The following KLF12 variants were observed in gnomAD, a reference collection of about 807,000 sequenced individuals.
KLF12 encodes the protein Krueppel-like factor 12.
In KLF12, 9 loss-of-function variants were observed where a neutral mutation model predicts 37.8. The ratio of observed to expected loss-of-function variants is 0.24; its 90% CI spans 0.14 to 0.42. The LOEUF (loss-of-function observed/expected upper bound fraction) is 0.42, where lower values mean the gene tolerates loss of function less well. Ranked by LOEUF, KLF12 falls within the 10% of genes least tolerant of loss-of-function variation. The pLI is 1.00. For missense variants in KLF12, 411 were observed against 516.0 expected, an observed-to-expected ratio of 0.80 and a Z score of 1.97; for synonymous variants, 208 against 202.1, an observed-to-expected ratio of 1.03 and a Z score of -0.25.
intron 7 of KLF12, among the ~76,000 whole-genome samples, chr13:73,705,812 T>C (rs1180481295): frequency 2.0e-5 from 3 of 152,132 alleles, no homozygotes; most frequent in Admixed American, 1.3e-4. Flanking sequence ...ATGGATAAAA[T>C]GAAGCCAGAA....
the KLF12 span, among the ~76,000 whole-genome samples, chr13:74,184,117 C>G: frequency 8.5e-5 from 13 of 152,154 alleles, no homozygotes; most frequent in Non-Finnish European, 2.9e-5. Flanking sequence ...TCAGAATCTA[C>G]AGTTCACATG....
chr13:73,796,949 T>C (rs890322983), intron 5 of KLF12, among the ~76,000 whole-genome samples: 6 of 152,116 alleles, frequency 3.9e-5, no homozygotes, highest in Admixed American at 2.0e-4. Context: ...CACGATTCCA[T>C]ACATGAAGAT....
At chr13:73,936,723 G>C (rs1277887293) in intron 3 of KLF12, among the ~76,000 whole-genome samples, 1 of 152,096 alleles carries the variant, frequency 6.6e-6, no homozygotes, top group African/African-American at 2.4e-5. Context: ...AGTAAGCTGA[G>C]GCCACTGTAG....
the KLF12 span, among the ~76,000 whole-genome samples, chr13:74,245,807 A>T: frequency 1.3e-5 from 2 of 152,222 alleles, no homozygotes; most frequent in African/African-American, 2.4e-5. Flanking sequence ...ACCTCTTGTA[A>T]ATAAGAGGGG....
intron 5 of KLF12, among the ~76,000 whole-genome samples, chr13:73,789,279 T>A (rs1449917291): frequency 6.6e-6 from 1 of 152,212 alleles, no homozygotes; most frequent in Non-Finnish European, 1.5e-5. Flanking sequence ...CTCCATGTTA[T>A]CTGGACTTCA....
intron 5 of KLF12, among the ~76,000 whole-genome samples, chr13:73,770,387 A>G (rs909039733): frequency 2.0e-5 from 3 of 152,206 alleles, no homozygotes; most frequent in Non-Finnish European, 4.4e-5. Flanking sequence ...CAGTGATTAA[A>G]TGACTATTAG....
intron 1 of KLF12, among the ~76,000 whole-genome samples, chr13:74,108,744 T>G (rs551159453): frequency 6.6e-6 from 1 of 152,264 alleles, no homozygotes; most frequent in Non-Finnish European, 1.5e-5. Context: ...AAAAACATAT[T>G]TACTATTGAT....
chr13:73,964,498 G>C (rs905833368), intron 2 of KLF12, among the ~76,000 whole-genome samples: 2 of 152,036 alleles, frequency 1.3e-5, no homozygotes, highest in Non-Finnish European at 2.9e-5. Flanking sequence ...AGCCGAGCAC[G>C]GTGGCTCATG....
intron 4 of KLF12, among the ~76,000 whole-genome samples, chr13:73,834,342 C>A (rs914188799): frequency 2.0e-5 from 3 of 152,172 alleles, no homozygotes; most frequent in African/African-American, 7.2e-5. Flanking sequence ...TACCATGCTC[C>A]TACTGAACTC....
intron 2 of KLF12, among the ~76,000 whole-genome samples, chr13:73,982,110 TA>T (rs1238535180): frequency 6.6e-6 from 1 of 152,228 alleles, no homozygotes; most frequent in East Asian, 1.9e-4. Context: ...TTAATTCTTT[TA>T]ATTGGTTAAA....
At chr13:73,764,748 G>A (rs1361732728) in intron 6 of KLF12, among the ~76,000 whole-genome samples, 190 bp downstream of exon 6, 1 of 152,116 alleles carries the variant, frequency 6.6e-6, no homozygotes, top group Non-Finnish European at 1.5e-5. Flanking sequence ...GGTGAATGAA[G>A]AGTTTGGGCT....
In KLF12 at chr13:73,690,147, C is replaced by T. The variant is rs1476700164; in HGVS notation, c.*5343G>A. 1.3e-5 allele frequency: 2 copies of T among 152,308 alleles called. No individual in the cohort carries two copies. Among genetic ancestry groups the T allele is most frequent in the African/African-American group, 4.8e-5 (2 of 41,342 alleles). The allele number at this position is 152,308 out of a possible 1,614,324, so 9.4% of individuals were successfully genotyped here. ...CTCTGTGTGTATGTGTGTGTGTGTT[C>T]ACATGTGCAGGAAAAAACCCAGTCT... On this transcript the variant is annotated 3_prime_UTR_variant, in exon 8 of 8. Coordinates refer to ENST00000377669, the MANE Select transcript of KLF12 (RefSeq NM_007249.5).
the KLF12 span, among the ~76,000 whole-genome samples, chr13:74,252,449 A>C: frequency 6.6e-6 from 1 of 152,240 alleles, no homozygotes; most frequent in East Asian, 1.9e-4. Flanking sequence ...AACAGTCATC[A>C]TAAAAGACTG....
At position 73,985,706 on chromosome 13, in the gene KLF12, G is replaced by A. The variant is rs577746182; in HGVS notation, c.33+9284C>T. On this transcript the variant is annotated intron_variant, in intron 2 of 7. Coordinates refer to ENST00000377669, the MANE Select transcript of KLF12 (RefSeq NM_007249.5). Reference sequence around the variant, plus strand: ...AAATTAAAGGAGTCATCCCTGAGATGTGAAGCTATTAAAACTGCAAAAGGC... The same window carrying A: ...AAATTAAAGGAGTCATCCCTGAGATATGAAGCTATTAAAACTGCAAAAGGC... 1.1e-3 allele frequency among the ~76,000 whole-genome samples: 171 copies of A among 152,284 alleles called. 1 individual carries two copies. Among genetic ancestry groups the A allele is most frequent in the African/African-American group, 3.8e-3 (159 of 41,560 alleles).
At chr13:74,023,541 T>A (rs568107659) in intron 1 of KLF12, among the ~76,000 whole-genome samples, 1 of 152,314 alleles carries the variant, frequency 6.6e-6, no homozygotes, top group East Asian at 1.9e-4. Flanking sequence ...TCTCTGAGTT[T>A]CTGGTGGTTC....
chr13:74,080,191 C>A (rs1012934748), intron 1 of KLF12, among the ~76,000 whole-genome samples: 2 of 152,054 alleles, frequency 1.3e-5, no homozygotes, highest in Non-Finnish European at 2.9e-5. Flanking sequence ...TATCCCAATT[C>A]TTTGAGAGGC....
chr13:73,872,925 T>C (rs756952287), intron 3 of KLF12, among the ~76,000 whole-genome samples: 1 of 152,154 alleles, frequency 6.6e-6, no homozygotes, highest in Non-Finnish European at 1.5e-5. Context: ...TGAACCTTTG[T>C]GAGAGCAGAG....
the KLF12 span, among the ~76,000 whole-genome samples, chr13:74,139,845 A>C: frequency 6.6e-6 from 1 of 152,132 alleles, no homozygotes; most frequent in Non-Finnish European, 1.5e-5. Flanking sequence ...GAGGCATATG[A>C]GATCTGAACT....
At chr13:73,905,427 A>G (rs1474957541) in intron 3 of KLF12, among the ~76,000 whole-genome samples, 1 of 151,978 alleles carries the variant, frequency 6.6e-6, no homozygotes, top group African/African-American at 2.4e-5. Context: ...TAATAGTACA[A>G]TAACTTTACA....
Sources: gnomAD v4.1 joint callset for allele counts (sites outside exome capture counted in the v4.1 genomes callset) on GRCh38, gnomAD v4.1.1 for gene constraint, MANE v1.5 for transcripts, NCBI Gene and HGNC (gene_info 2026-07-23, HGNC 2026-07-21) for gene names.